The following WFDC11 variants were observed in gnomAD, a reference collection of about 807,000 sequenced individuals.
WFDC11 encodes WAP four-disulfide core domain 11.
A neutral mutation model predicts 9.9 loss-of-function variants in WFDC11; 9 were observed. The ratio of observed to expected loss-of-function variants is 0.91; its 90% CI spans 0.55 to 1.58. WFDC11 has a LOEUF of 1.58. Among genes scored for constraint, WFDC11 ranks in the 40% most tolerant of loss-of-function variants. The pLI, the probability that WFDC11 is intolerant of heterozygous loss-of-function variation, is 0.00. For synonymous variants in WFDC11, 32 were observed against 33.3 expected (o/e 0.96, Z 0.13); for missense variants, 106 against 101.7 (o/e 1.04, Z -0.18).
At chr20:45,657,917 T>G (rs972768074) in intron 2 of WFDC11, among the ~76,000 whole-genome samples, 2 of 152,164 alleles carry the variant, frequency 1.3e-5, no homozygotes, top group Non-Finnish European at 2.9e-5. Flanking sequence ...GTGAAAATAT[T>G]TCTAGCAATT....
chr20:45,656,523 T>C (rs1021100184), intron 2 of WFDC11, among the ~76,000 whole-genome samples: 3 of 152,198 alleles, frequency 2.0e-5, no homozygotes, highest in African/African-American at 7.2e-5. Flanking sequence ...GACATAGGCA[T>C]GGGCAAGGAC....
intron 2 of WFDC11, among the ~76,000 whole-genome samples, chr20:45,659,183 G>A (rs1600939950): frequency 6.6e-6 from 1 of 152,206 alleles, no homozygotes; most frequent in African/African-American, 2.4e-5. Context: ...ACATGTGCAT[G>A]TGTCTTTATA....
At chr20:45,662,542 A>G (rs925899104) in intron 2 of WFDC11, among the ~76,000 whole-genome samples, 23 of 152,158 alleles carry the variant, frequency 1.5e-4, no homozygotes, top group South Asian at 6.2e-4. Context: ...TCAGGATGAT[A>G]TTGGCTGTGG....
intron 2 of WFDC11, among the ~76,000 whole-genome samples, chr20:45,659,269 A>T (rs1983002159): frequency 6.6e-6 from 1 of 152,214 alleles, no homozygotes; most frequent in Admixed American, 6.5e-5. Context: ...CTAGTTCTAG[A>T]TCCTTGAGGA....
In WFDC11 at chr20:45,651,417, T is replaced by A. The variant is rs77927166; in HGVS notation, c.-51-766A>T. Among the ~76,000 whole-genome samples, 839 of 152,330 alleles carry A rather than the reference T, an allele frequency of 5.5e-3. 6 individuals are homozygous for A. The highest frequency in any genetic ancestry group is 0.019 in the African/African-American group (805 of 41,572). ...TTGTTTGTTTGTTTTTGTTGTTGCA[T>A]AATATTCCATTCTGTGAATATGTCA... On this transcript the variant is annotated intron_variant, in intron 2 of 4. Transcript: ENST00000324384.
At chr20:45,654,809 T>C (rs6017642) in intron 2 of WFDC11, among the ~76,000 whole-genome samples, 104,564 of 152,066 alleles carry the variant, frequency 0.69, 36,981 homozygotes, top group East Asian at 1. Context: ...AACACCTCTA[T>C]GCAAGTAAAC....
intron 2 of WFDC11, among the ~76,000 whole-genome samples, chr20:45,652,474 A>G (rs1241519849): frequency 6.6e-6 from 1 of 152,206 alleles, no homozygotes; most frequent in Non-Finnish European, 1.5e-5. Flanking sequence ...AAAACCACAA[A>G]GATGGGGGAA....
chr20:45,667,470 C>G (rs1187159386), intron 1 of WFDC11, among the ~76,000 whole-genome samples: 2 of 145,514 alleles, frequency 1.4e-5, no homozygotes, highest in African/African-American at 5.1e-5. Flanking sequence ...ATCTACATAT[C>G]TATTTTTTTT....
At chr20:45,659,076 T>C (rs1018244128) in intron 2 of WFDC11, among the ~76,000 whole-genome samples, 1 of 152,224 alleles carries the variant, frequency 6.6e-6, no homozygotes, top group Non-Finnish European at 1.5e-5. Flanking sequence ...TATTCCATGG[T>C]GTATATGTGC....
chr20:45,662,639 A>T (rs574670959), intron 2 of WFDC11, among the ~76,000 whole-genome samples: 22 of 152,248 alleles, frequency 1.4e-4, no homozygotes, highest in Non-Finnish European at 2.6e-4. Context: ...GCGTTGTTGA[A>T]TTTTTGTCAA....
At chr20:45,663,329 C>T (rs193159581) in intron 2 of WFDC11, among the ~76,000 whole-genome samples, 7 of 151,768 alleles carry the variant, frequency 4.6e-5, no homozygotes, top group South Asian at 4.2e-4. Context: ...CTTTATTTGT[C>T]GCAATGCTAG....
intron 2 of WFDC11, among the ~76,000 whole-genome samples, chr20:45,656,198 AGTAACCAAAACAGCATAGTACTG>A (rs1312502144): frequency 2.0e-4 from 31 of 151,892 alleles, no homozygotes; most frequent in Admixed American, 1.4e-3. Flanking sequence ...ACAAGCCTAC[AGTAACCAAAACAGCATAGTACTG>A]GTAAAAAAAA....
At chr20:45,658,860 A>G (rs1224506041) in intron 2 of WFDC11, among the ~76,000 whole-genome samples, 2 of 151,924 alleles carry the variant, frequency 1.3e-5, no homozygotes, top group African/African-American at 4.8e-5. Flanking sequence ...TCCTAATGCT[A>G]TCCCTCCCCC....
At chr20:45,650,271 G>C (rs936823371) in intron 3 of WFDC11, among the ~76,000 whole-genome samples, 2 of 152,080 alleles carry the variant, frequency 1.3e-5, no homozygotes, top group Admixed American at 1.3e-4. Context: ...GAGAGACAGA[G>C]AGAGAGAGAT....
intron 2 of WFDC11, among the ~76,000 whole-genome samples, chr20:45,662,466 G>T (rs1983092037): frequency 6.6e-6 from 1 of 152,182 alleles, no homozygotes; most frequent in African/African-American, 2.4e-5. Flanking sequence ...TTGAGTAGGA[G>T]TGGTGAGAGA....
intron 2 of WFDC11, among the ~76,000 whole-genome samples, chr20:45,656,639 G>A (rs951923442): frequency 1.3e-5 from 2 of 151,852 alleles, no homozygotes; most frequent in African/African-American, 4.8e-5. Flanking sequence ...TACCATCAGA[G>A]TGAACAGGCA....
intron 2 of WFDC11, among the ~76,000 whole-genome samples, chr20:45,662,854 T>G (rs1983101161): frequency 6.6e-6 from 1 of 152,224 alleles, no homozygotes; most frequent in African/African-American, 2.4e-5. Context: ...GCAGCAATGT[T>G]CATCAGGGAT....
intron 2 of WFDC11, among the ~76,000 whole-genome samples, chr20:45,663,885 G>A (rs1983128732): frequency 6.6e-6 from 1 of 152,206 alleles, no homozygotes; most frequent in African/African-American, 2.4e-5. Context: ...ATGTGGTGCT[G>A]AGAAGAATGT....
intron 2 of WFDC11, among the ~76,000 whole-genome samples, chr20:45,658,065 A>T (rs1982974795): frequency 6.6e-6 from 1 of 152,196 alleles, no homozygotes; most frequent in Non-Finnish European, 1.5e-5. Context: ...TGACATATAA[A>T]AAACTATTTA....
Sources: allele counts gnomAD v4.1 joint callset (sites outside exome capture counted in the v4.1 genomes callset), GRCh38; gene constraint gnomAD v4.1.1; transcripts MANE v1.5; gene names NCBI Gene and HGNC (gene_info 2026-07-23, HGNC 2026-07-21).